FZR1: variants seen among roughly 807,000 people sequenced by gnomAD.
FZR1 encodes fizzy and cell division cycle 20 related 1.
In FZR1, 11 loss-of-function variants were observed where a neutral mutation model predicts 63.6. The ratio of observed to expected loss-of-function variants is 0.17; its 90% CI spans 0.11 to 0.29. The LOEUF is 0.29. Among genes scored for constraint, FZR1 ranks in the 10% least tolerant of loss-of-function variants. The pLI is 1.00. For missense variants in FZR1, 440 were observed against 687.5 expected, an observed-to-expected ratio of 0.64 and a Z score of 4.03; for synonymous variants, 328 against 297.9, an observed-to-expected ratio of 1.10 and a Z score of -1.04.
intron 7 of FZR1, among the ~76,000 whole-genome samples, chr19:3,530,063 T>TGAGCGGATGGGA (rs1251986020): frequency 1.7e-5 from 1 of 57,708 alleles, no homozygotes; most frequent in Non-Finnish European, 3.5e-5. Context: ...AGCAGATGGG[T>TGAGCGGATGGGA]GAGCGGATGG....
chr19:3,533,439 G>T lies in FZR1; in HGVS notation c.1347+41G>T. ...GCACTTCAAGGTGCCCCGGGATTCT[G>T]GACAAACTGCCATGGCCACCCCAGA... On this transcript the variant is annotated intron_variant, in intron 12 of 13. Coordinates refer to ENST00000441788, the MANE Select transcript of FZR1 (RefSeq NM_016263.4). The surrounding 1 kb of genome is among the most constrained non-coding windows in gnomAD (Gnocchi z 4.9). 7.8e-7 allele frequency: 1 copy of T among 1,276,490 alleles called. No homozygotes were observed. The allele number at this position is 1,276,490 out of a possible 1,614,324, so 79.1% of individuals were successfully genotyped here.
At chr19:3,528,771 G>A (rs978213320) in intron 7 of FZR1, among the ~76,000 whole-genome samples, 3 of 127,540 alleles carry the variant, frequency 2.4e-5, no homozygotes, top group Non-Finnish European at 5.1e-5. Context: ...GGATGGGTGC[G>A]TGGATGGGTG....
At chr19:3,529,692 ATGGT>A (rs1568237964) in intron 7 of FZR1, among the ~76,000 whole-genome samples, 1 of 127,632 alleles carries the variant, frequency 7.8e-6, no homozygotes, top group Non-Finnish European at 1.7e-5. Flanking sequence ...GAGGGAGTGG[ATGGT>A]TGAGCGGATG....
In FZR1 at chr19:3,533,450, C is replaced by CCCGGG; in HGVS notation, c.1347+52_1347+53insCCGGG. 3.7e-6 allele frequency: 4 copies of CCCGGG among 1,087,732 alleles called. No homozygotes were observed. The highest frequency in any genetic ancestry group is 5.7e-6 in the Non-Finnish European group (4 of 704,586). 67.4% of individuals were successfully genotyped at this position (1,087,732 alleles called of 1,614,324 possible). A position where few individuals can be genotyped will look rare whatever the true frequency, so the allele number is the denominator to read the frequency against. On this transcript the variant is annotated intron_variant, in intron 12 of 13. Transcript: ENST00000441788. The surrounding 1 kb of genome is among the most constrained non-coding windows in gnomAD (Gnocchi z 4.9). ...TGCCCCGGGATTCTGGACAAACTGC[C>CCCGGG]ATGGCCACCCCAGAGCACCCTGTCC...
chr19:3,510,784 G>A (rs1225451647), intron 1 of FZR1, among the ~76,000 whole-genome samples: 1 of 152,166 alleles, frequency 6.6e-6, no homozygotes, highest in South Asian at 2.1e-4. Context: ...ACAGGCACTG[G>A]GCAACACCTC....
In FZR1 at chr19:3,531,810, C is replaced by G; in HGVS notation, c.817C>G (p.Arg273Gly). 1 of 1,550,146 alleles carries G rather than the reference C, an allele frequency of 6.5e-7. No individual in the cohort carries two copies. The highest frequency in any genetic ancestry group is 8.7e-7 in the Non-Finnish European group (1 of 1,146,674). Residue 273 changes from arginine to glycine, a missense_variant, in exon 9 of 14, where the codon CGC becomes GGC. By Grantham distance (125) the Arg-to-Gly change is moderately radical. Around this residue, in one of 5 missense-constraint regions of FZR1, gnomAD observed 208 missense variants for 363.6 expected, o/e 0.57. Coordinates refer to ENST00000441788, the MANE Select transcript of FZR1 (RefSeq NM_016263.4). Reference protein sequence around the residue: ...KLSMLEGHTARVGALAWNAEQ... With the variant: ...KLSMLEGHTAGVGALAWNAEQ... ...GTCCATGTTGGAGGGCCACACGGCA[C>G]GCGTCGGTGAGGAGCCCGGGTCCCA...
At chr19:3,529,839 AGCGGGTGGGTGAGCGGGTGGGT>A (rs2083219195) in intron 7 of FZR1, among the ~76,000 whole-genome samples, 1 of 96,516 alleles carries the variant, frequency 1.0e-5, no homozygotes, top group African/African-American at 4.6e-5. Context: ...CGGATGGGTG[AGCGGGTGGGTGAGCGGGTGGGT>A]GAGCGGGTGG....
intron 1 of FZR1, among the ~76,000 whole-genome samples, chr19:3,513,805 C>A (rs567891541): frequency 6.6e-6 from 1 of 152,112 alleles, no homozygotes; most frequent in Non-Finnish European, 1.5e-5. Context: ...TTACCCAAGG[C>A]GGTCCTGCCC....
At chr19:3,531,867 G>T (rs369698185) in intron 9 of FZR1, 44 bp from the exon 10 acceptor site, 3 of 1,558,570 alleles carry the variant, frequency 1.9e-6, no homozygotes, top group Non-Finnish European at 1.7e-6. Flanking sequence ...CCCCAGCTCC[G>T]CGAGGGCAGG....
At chr19:3,508,838 C>T (rs552711048) in intron 1 of FZR1, among the ~76,000 whole-genome samples, 133 of 152,336 alleles carry the variant, frequency 8.7e-4, no homozygotes, top group Non-Finnish European at 1.4e-3. Context: ...GTGCCCAGAA[C>T]GGCCCAGTAC....
chr19:3,512,724 G>T (rs951446085), intron 1 of FZR1, among the ~76,000 whole-genome samples: 29 of 152,140 alleles, frequency 1.9e-4, no homozygotes, highest in Non-Finnish European at 3.7e-4. Flanking sequence ...TGGCACGGCT[G>T]CCCCCTTAAT....
intron 7 of FZR1, among the ~76,000 whole-genome samples, chr19:3,530,107 A>G (rs1599790270): frequency 5.8e-5 from 4 of 68,620 alleles, no homozygotes; most frequent in East Asian, 5.8e-4. Context: ...AGAGTGGTTG[A>G]GGGAGCGGAT....
chr19:3,532,712 C>A (rs901901675), intron 11 of FZR1, 62 bp downstream of exon 11: 3 of 1,137,026 alleles, frequency 2.6e-6, no homozygotes, highest in East Asian at 5.0e-5. Context: ...TGGCCCCTTA[C>A]CTGCCACCTG....
intron 1 of FZR1, among the ~76,000 whole-genome samples, chr19:3,507,216 G>T (rs1339811818): frequency 7.8e-6 from 1 of 128,154 alleles, no homozygotes; most frequent in Non-Finnish European, 1.6e-5. Context: ...AGCCTCAGAC[G>T]AGCTATCCGT....
rs557143338 is a variant in FZR1 at position 3,534,264 on chromosome 19, T to C, written c.1348-157T>C. ...AAAAAAAAAGGCTCCAACCTTGGTT[T>C]CTGCTTGTGGTGGCCCCAGCCTGCC... is the stretch of plus-strand genomic sequence containing the variant. On this transcript the variant is annotated intron_variant, in intron 12 of 13. Transcript: ENST00000441788. 3.2e-3 allele frequency: 1,526 copies of C among 481,414 alleles called. 5 individuals are homozygous for C. Among genetic ancestry groups the C allele is most frequent in the Non-Finnish European group, 3.3e-3 (903 of 273,896 alleles). The allele number at this position is 481,414 out of a possible 1,614,324, so 29.8% of individuals were successfully genotyped here.
At chr19:3,530,904 C>T in intron 8 of FZR1, 47 bp downstream of exon 8, 3 of 1,474,356 alleles carry the variant, frequency 2.0e-6, no homozygotes, top group Non-Finnish European at 2.8e-6. Context: ...TGATGGGGCT[C>T]TTGACAGTGT....
chr19:3,507,599 C>T (rs1269152112), intron 1 of FZR1, among the ~76,000 whole-genome samples: 1 of 152,204 alleles, frequency 6.6e-6, no homozygotes, highest in African/African-American at 2.4e-5. Context: ...CCACCCCAAC[C>T]TATGTGCTTT....
intron 1 of FZR1, among the ~76,000 whole-genome samples, chr19:3,513,359 TC>T (rs2083037150): frequency 6.6e-6 from 1 of 152,102 alleles, no homozygotes; most frequent in Admixed American, 6.5e-5. Flanking sequence ...CCTTGCAGCT[TC>T]CCCGTGGGCA....
Position 3,532,032 on chromosome 19 carries a change from G to A in FZR1, c.945G>A (p.Glu315=). 6.5e-7 allele frequency: 1 copy of A among 1,543,764 alleles called. No individual in the cohort carries two copies. The highest frequency in any genetic ancestry group is 8.7e-7 in the Non-Finnish European group (1 of 1,150,842). ...GGCGGCTGCAGGGCCACCGGCAGGAGGTGTGCGGGCTCAAGTGGTCCACAG... is the reference window on the plus strand; with the variant it reads ...GGCGGCTGCAGGGCCACCGGCAGGAAGTGTGCGGGCTCAAGTGGTCCACAG... ...SERRLQGHRQ[E]VCGLKWSTDH... is the part of the protein sequence containing the mutation. The change falls in exon 10 of 14, where the codon GAG becomes GAA. Residue 315 remains glutamate (E), a synonymous_variant. Transcript: ENST00000441788.
Sources: gnomAD v4.1 joint callset for allele counts (sites outside exome capture counted in the v4.1 genomes callset) on GRCh38, gnomAD v4.1.1 for gene constraint, gnomAD v4.1.1 regional missense constraint, Gnocchi (gnomAD v3.1) non-coding constraint, MANE v1.5 for transcripts, NCBI Gene and HGNC (gene_info 2026-07-23, HGNC 2026-07-21) for gene names.